ACBD6: variants seen among roughly 807,000 people sequenced by gnomAD.
The protein encoded by ACBD6 is acyl-CoA-binding domain-containing protein 6.
A neutral mutation model predicts 37.2 loss-of-function variants in ACBD6; 28 were observed. That is an observed-to-expected ratio of 0.75 (90% CI 0.56 to 1.03). The LOEUF (loss-of-function observed/expected upper bound fraction) is 1.03, where lower values mean the gene tolerates loss of function less well. Among genes scored for constraint, ACBD6 ranks in the 50% least tolerant of loss-of-function variants. ACBD6 has a pLI of 0.00. For missense variants in ACBD6, 340 were observed against 337.4 expected (o/e 1.01, Z -0.06); for synonymous variants, 113 against 126.8 (o/e 0.89, Z 0.73).
intron 6 of ACBD6, among the ~76,000 whole-genome samples, chr1:180,352,397 C>T (rs991797773): frequency 6.6e-6 from 1 of 152,018 alleles, no homozygotes; most frequent in Admixed American, 6.6e-5. Flanking sequence ...ACCACGTTGG[C>T]CAGATTGGTC....
At chr1:180,411,479 C>A (rs1343740796) in intron 5 of ACBD6, among the ~76,000 whole-genome samples, 2 of 152,170 alleles carry the variant, frequency 1.3e-5, no homozygotes, top group African/African-American at 4.8e-5. Flanking sequence ...CCACTGTGAT[C>A]GGTCAGCAGC....
chr1:180,404,275 A>T (rs1453392890), intron 5 of ACBD6, among the ~76,000 whole-genome samples: 1 of 152,028 alleles, frequency 6.6e-6, no homozygotes, highest in African/African-American at 2.4e-5. Context: ...ATTGGGGAAG[A>T]TAAAAAAGTT....
At chr1:180,502,016 C>T (rs1441730579) in intron 1 of ACBD6, 29 bp downstream of exon 1, 15 of 1,607,556 alleles carry the variant, frequency 9.3e-6, no homozygotes, top group Non-Finnish European at 1.3e-5. Context: ...TGTCTTTCTC[C>T]CCCATCCACC....
downstream of ACBD6, among the ~76,000 whole-genome samples, chr1:180,286,537 A>G (rs916347622): frequency 6.6e-6 from 1 of 152,234 alleles, no homozygotes; most frequent in African/African-American, 2.4e-5. Context: ...TGACTTCACT[A>G]TAACTAATGT....
intron 5 of ACBD6, among the ~76,000 whole-genome samples, chr1:180,407,238 C>T (rs1362662942): frequency 2.0e-5 from 3 of 152,154 alleles, no homozygotes; most frequent in East Asian, 1.9e-4. Flanking sequence ...GAATTCTTGG[C>T]GTCTCAGTCT....
rs12061832 is a variant in ACBD6, at chr1:180,360,167, T to C, written c.663+37349A>G. On this transcript the variant is annotated intron_variant, in intron 6 of 7. Coordinates refer to ENST00000367595, the MANE Select transcript of ACBD6 (RefSeq NM_032360.4). ...TTTAAAGAACACACAGGGACCTAAG[T>C]TTTCTCTTCTGCACCTTCTCTAAAA... Among the ~76,000 whole-genome samples, 1,382 of 152,234 alleles carry C rather than the reference T, an allele frequency of 9.1e-3. 24 individuals are homozygous for C. The highest frequency in any genetic ancestry group is 0.032 in the African/African-American group (1,327 of 41,528).
intron 3 of ACBD6, among the ~76,000 whole-genome samples, chr1:180,467,222 G>C (rs1650379405): frequency 6.6e-6 from 1 of 151,834 alleles, no homozygotes; most frequent in African/African-American, 2.4e-5. Flanking sequence ...TGGGACTACA[G>C]ACACATGCTA....
At position 180,394,258 on chromosome 1, in the gene ACBD6, T is replaced by TA. The variant is rs570536760; in HGVS notation, c.663+3257dup. On this transcript the variant is annotated intron_variant, in intron 6 of 7. Transcript: ENST00000367595. ...ACAGGCACCCACCACTACATCTAAT[T>TA]AAAAAAAAATGTGTGGAGATGGGGT... 9.9e-3 allele frequency among the ~76,000 whole-genome samples: 1,486 copies of TA among 150,860 alleles called. 26 individuals carry two copies. The highest frequency in any genetic ancestry group is 0.032 in the African/African-American group (1,316 of 41,114).
intron 5 of ACBD6, among the ~76,000 whole-genome samples, chr1:180,398,633 C>T (rs1175485095): frequency 6.6e-6 from 1 of 152,130 alleles, no homozygotes; most frequent in Non-Finnish European, 1.5e-5. Flanking sequence ...CAAAGACTCA[C>T]AGTTACTATT....
intron 3 of ACBD6, among the ~76,000 whole-genome samples, chr1:180,475,732 T>C (rs568063467): frequency 4.7e-4 from 71 of 152,306 alleles, no homozygotes; most frequent in African/African-American, 1.6e-3. Context: ...AGATACACCA[T>C]AATTTGTTTA....
intron 7 of ACBD6, among the ~76,000 whole-genome samples, chr1:180,305,820 C>T (rs1359767047): frequency 1.3e-5 from 2 of 152,024 alleles, no homozygotes; most frequent in Non-Finnish European, 2.9e-5. Context: ...TATTGCAGCA[C>T]TATTCACAAT....
intron 6 of ACBD6, among the ~76,000 whole-genome samples, chr1:180,365,827 GA>G (rs1653033004): frequency 6.6e-6 from 1 of 152,042 alleles, no homozygotes; most frequent in African/African-American, 2.4e-5. Context: ...TTATTTCACG[GA>G]AAAATTACTT....
intron 9 of ACBD6, chr1:180,277,880 G>GA (rs1044859976): frequency 2.0e-5 from 3 of 149,742 alleles, no homozygotes; most frequent in Non-Finnish European, 3.0e-5. Flanking sequence ...CTTTTTTTGG[G>GA]GGGGGGCAGT....
At chr1:180,467,085 C>T (rs971457642) in intron 3 of ACBD6, among the ~76,000 whole-genome samples, 2 of 151,808 alleles carry the variant, frequency 1.3e-5, no homozygotes, top group African/African-American at 4.8e-5. Flanking sequence ...TATTTCAGTG[C>T]TTATATCTTT....
chr1:180,327,207 C>T (rs1329918893), intron 6 of ACBD6, among the ~76,000 whole-genome samples: 2 of 152,178 alleles, frequency 1.3e-5, no homozygotes, highest in Non-Finnish European at 1.5e-5. Context: ...CTCGGATGGA[C>T]GATTACCCTC....
intron 3 of ACBD6, among the ~76,000 whole-genome samples, chr1:180,454,345 C>T (rs1167170050): frequency 6.6e-6 from 1 of 152,136 alleles, no homozygotes; most frequent in Non-Finnish European, 1.5e-5. Flanking sequence ...AAATTGGACC[C>T]CTTCCTTACA....
intron 3 of ACBD6, among the ~76,000 whole-genome samples, chr1:180,459,461 G>C (rs1650046812): frequency 6.6e-6 from 1 of 152,192 alleles, no homozygotes; most frequent in African/African-American, 2.4e-5. Flanking sequence ...CACACCTAAT[G>C]AACATCCTGA....
chr1:180,449,197 A>C (rs1649597761), intron 3 of ACBD6, among the ~76,000 whole-genome samples: 1 of 152,198 alleles, frequency 6.6e-6, no homozygotes, highest in Non-Finnish European at 1.5e-5. Flanking sequence ...AGTGAACATC[A>C]GTTATTTGTA....
At chr1:180,306,532 AT>A (rs1166478117) in intron 7 of ACBD6, among the ~76,000 whole-genome samples, 6 of 152,040 alleles carry the variant, frequency 3.9e-5, no homozygotes, top group Middle Eastern at 3.4e-3. Flanking sequence ...AGTTTTTCCC[AT>A]TTTTGGCCTT....
Sources: gnomAD v4.1 joint callset for allele counts (sites outside exome capture counted in the v4.1 genomes callset) on GRCh38, gnomAD v4.1.1 for gene constraint, MANE v1.5 for transcripts, NCBI Gene and HGNC (gene_info 2026-07-23, HGNC 2026-07-21) for gene names.